PTDSS1: variants seen among roughly 807,000 people sequenced by gnomAD.
PTDSS1 encodes the protein phosphatidylserine synthase 1, also known as PSS-1.
A neutral mutation model predicts 70.5 loss-of-function variants in PTDSS1; 45 were observed. That is an observed-to-expected ratio of 0.64 (90% CI 0.50 to 0.82). The LOEUF is 0.82. Among genes scored for constraint, PTDSS1 ranks in the 40% least tolerant of loss-of-function variants. PTDSS1 has a pLI of 0.00. For missense variants in PTDSS1, 417 were observed against 586.1 expected (o/e 0.71, Z 2.98); for synonymous variants, 188 against 203.8 (o/e 0.92, Z 0.66).
At chr8:96,297,615 C>A (rs1186933725) in intron 5 of PTDSS1, among the ~76,000 whole-genome samples, 1 of 152,218 alleles carries the variant, frequency 6.6e-6, no homozygotes. Flanking sequence ...CTGTCTTCCC[C>A]ACCACAGAGT....
intron 7 of PTDSS1, among the ~76,000 whole-genome samples, chr8:96,305,596 G>A (rs959557519): frequency 1.3e-5 from 2 of 152,140 alleles, no homozygotes; most frequent in Non-Finnish European, 2.9e-5. Flanking sequence ...TACTTTTAAG[G>A]ACTGCCTTTG....
intron 1 of PTDSS1, among the ~76,000 whole-genome samples, chr8:96,271,254 T>C (rs1256738715): frequency 6.6e-6 from 1 of 152,226 alleles, no homozygotes; most frequent in Non-Finnish European, 1.5e-5. Flanking sequence ...TACATACCCA[T>C]ACACATTCCC....
At chr8:96,296,515 T>A (rs1379979132) in intron 5 of PTDSS1, among the ~76,000 whole-genome samples, 1 of 152,216 alleles carries the variant, frequency 6.6e-6, no homozygotes, top group Non-Finnish European at 1.5e-5. Context: ...AGCAGCTCAC[T>A]GTACTGCCTA....
intron 10 of PTDSS1, among the ~76,000 whole-genome samples, chr8:96,327,773 C>T (rs947758483): frequency 1.3e-5 from 2 of 152,156 alleles, no homozygotes; most frequent in African/African-American, 4.8e-5. Flanking sequence ...GTCCTGCGCC[C>T]TCCTTGCCGC....
Position 96,304,183 on chromosome 8 carries a change from T to C in PTDSS1, c.894+2T>C. 6.3e-7 allele frequency: 1 copy of C among 1,593,814 alleles called. No individual in the cohort carries two copies. The highest frequency in any genetic ancestry group is 1.9e-5 in the Admixed American group (1 of 53,330). On this transcript the variant is annotated splice_donor_variant, in intron 7 of 12. Transcript: ENST00000517309. LOFTEE classifies it high-confidence loss of function. ...TACCTTTTCATGATCATCTGGCAGG[T>C]ATTTTTTCAGATGCCCAGAAGTTGG...
intron 8 of PTDSS1, 165 bp from the exon 9 acceptor site, chr8:96,309,392 A>G (rs1685330205): frequency 1.9e-6 from 1 of 525,104 alleles, no homozygotes; most frequent in African/African-American, 1.9e-5. Context: ...TCTTACAGGA[A>G]TGTTTTAACA....
At chr8:96,281,216 C>T (rs1032841337) in intron 2 of PTDSS1, among the ~76,000 whole-genome samples, 1 of 152,168 alleles carries the variant, frequency 6.6e-6, no homozygotes, top group Non-Finnish European at 1.5e-5. Context: ...TTTAGCAATA[C>T]TGCTGTCTGA....
intron 4 of PTDSS1, among the ~76,000 whole-genome samples, chr8:96,292,306 A>AG (rs57116104): frequency 0.032 from 4,697 of 148,446 alleles, 259 homozygotes; most frequent in African/African-American, 0.11. Flanking sequence ...AAAAAAAAAA[A>AG]AAAAGAAAAG....
chr8:96,336,352 C>T lies in PTDSS1; in HGVS notation c.*2786C>T, dbSNP rs1811593716. The T allele has an allele frequency of 6.6e-6, 1 of 151,928 alleles. No individual in the cohort carries two copies. Among genetic ancestry groups the T allele is most frequent in the African/African-American group, 2.4e-5 (1 of 41,210 alleles). The allele number at this position is 151,928 out of a possible 1,614,324, so 9.4% of individuals were successfully genotyped here. A position where few individuals can be genotyped will look rare whatever the true frequency, so the allele number is the denominator to read the frequency against. On this transcript the variant is annotated 3_prime_UTR_variant, in exon 13 of 13. Coordinates refer to ENST00000517309, the MANE Select transcript of PTDSS1 (RefSeq NM_014754.3). ...GATGCCTCTTTATGCCAAGGCCCAC[C>T]CTTTGGAATTGGGAGGGTTTTGGGT...
chr8:96,314,924 C>T (rs754996424), intron 9 of PTDSS1, among the ~76,000 whole-genome samples: 19 of 151,982 alleles, frequency 1.3e-4, no homozygotes, highest in Non-Finnish European at 2.4e-4. Flanking sequence ...CAGCCGATCC[C>T]CTTTCTTCAA....
At chr8:96,306,643 A>G (rs948072850) in intron 8 of PTDSS1, 87 bp downstream of exon 8, 2 of 1,030,162 alleles carry the variant, frequency 1.9e-6, no homozygotes, top group Non-Finnish European at 3.0e-6. Flanking sequence ...CATATAAACT[A>G]GCAGATTTTC....
At chr8:96,265,438 C>A (rs548189830) in intron 1 of PTDSS1, among the ~76,000 whole-genome samples, 138 of 152,136 alleles carry the variant, frequency 9.1e-4, no homozygotes, top group Non-Finnish European at 1.4e-3. Flanking sequence ...GCCCTTAGGT[C>A]AATTCCCTGT....
chr8:96,310,470 C>CTT (rs34660364), intron 9 of PTDSS1, among the ~76,000 whole-genome samples: 4 of 142,650 alleles, frequency 2.8e-5, no homozygotes, highest in African/African-American at 5.1e-5. Context: ...CCTTGGCTCT[C>CTT]TTTTTTTTTT....
At chr8:96,285,961 G>T (rs1383400297) in intron 3 of PTDSS1, among the ~76,000 whole-genome samples, 1 of 152,152 alleles carries the variant, frequency 6.6e-6, no homozygotes, top group African/African-American at 2.4e-5. Flanking sequence ...TAAAAAATGT[G>T]CATTCCCTGG....
chr8:96,307,708 C>G (rs1386008748), intron 8 of PTDSS1, among the ~76,000 whole-genome samples: 9 of 152,092 alleles, frequency 5.9e-5, no homozygotes, highest in Admixed American at 5.9e-4. Flanking sequence ...TAATTTGAGA[C>G]TTTACAATTT....
At chr8:96,278,073 A>T (rs146335234) in intron 2 of PTDSS1, among the ~76,000 whole-genome samples, 5 of 152,248 alleles carry the variant, frequency 3.3e-5, no homozygotes, top group Non-Finnish European at 7.4e-5. Flanking sequence ...TGGCCTTGAG[A>T]CAGCTCCTGC....
intron 2 of PTDSS1, 136 bp downstream of exon 2, chr8:96,273,526 G>T: frequency 1.5e-6 from 1 of 647,764 alleles, no homozygotes; most frequent in Non-Finnish European, 2.6e-6. Flanking sequence ...GGCTCTGGAG[G>T]CAGACTGCCC....
chr8:96,315,765 G>T (rs1811279265), intron 9 of PTDSS1, among the ~76,000 whole-genome samples: 1 of 152,136 alleles, frequency 6.6e-6, no homozygotes, highest in African/African-American at 2.4e-5. Flanking sequence ...GATGGTGGAT[G>T]GCATCAAAGG....
chr8:96,278,967 C>CA (rs1465571004), intron 2 of PTDSS1, among the ~76,000 whole-genome samples: 2 of 116,302 alleles, frequency 1.7e-5, no homozygotes, highest in East Asian at 2.1e-4. Context: ...CACCATTCAG[C>CA]CCCCCTTTTT....
Sources: allele counts gnomAD v4.1 joint callset (sites outside exome capture counted in the v4.1 genomes callset), GRCh38; gene constraint gnomAD v4.1.1; transcripts MANE v1.5; gene names NCBI Gene and HGNC (gene_info 2026-07-23, HGNC 2026-07-21).